ZNF609: variants seen among roughly 807,000 people sequenced by gnomAD.
ZNF609 encodes zinc finger protein 609.
In ZNF609, 11 loss-of-function variants were observed where a neutral mutation model predicts 109.5. The ratio of observed to expected loss-of-function variants is 0.10; its 90% CI spans 0.06 to 0.17. ZNF609 has a LOEUF of 0.17. Ranked by LOEUF, ZNF609 falls within the 10% of genes least tolerant of loss-of-function variation. ZNF609 has a pLI of 1.00. For missense variants in ZNF609, 1,559 were observed against 1,772.4 expected (o/e 0.88, Z 2.16); for synonymous variants, 646 against 662.0 (o/e 0.98, Z 0.37).
rs148877221 is a variant in ZNF609 at position 64,566,566 on chromosome 15, C to T, written c.748-56261C>T. Among the ~76,000 whole-genome samples, 62 of 152,260 alleles carry T rather than the reference C, an allele frequency of 4.1e-4. No homozygotes were observed. The East Asian group carries it at 0.012, about 29-fold the overall frequency. ...GACTGCCAAGAGCTAGACATTCTAG[C>T]CATTTCTTAAAAGGCCAGTTAGCTA... On this transcript the variant is annotated intron_variant, in intron 2 of 9. Transcript: ENST00000326648.
rs546709488 is a variant in ZNF609 at position 64,493,771 on chromosome 15, C to G, written c.-127-5522C>G. 1.1e-4 allele frequency among the ~76,000 whole-genome samples: 16 copies of G among 152,332 alleles called. No homozygotes were observed. The South Asian group carries it at 3.3e-3, about 32-fold the overall frequency. Reference sequence around the variant, plus strand: ...CTGTAAGATATTGGTTCTCCTGATTCCGCACTTTCTCTGCCATGAAAGCAA... The same window carrying G: ...CTGTAAGATATTGGTTCTCCTGATTGCGCACTTTCTCTGCCATGAAAGCAA... On this transcript the variant is annotated intron_variant, in intron 1 of 9. Transcript: ENST00000326648.
At chr15:64,574,206 A>G (rs1595723330) in intron 2 of ZNF609, among the ~76,000 whole-genome samples, 1 of 92,590 alleles carries the variant, frequency 1.1e-5, no homozygotes, top group African/African-American at 4.9e-5. Flanking sequence ...TGGCACCCAC[A>G]CCCCATTTGA....
At chr15:64,508,008 T>C (rs1232751493) in intron 2 of ZNF609, among the ~76,000 whole-genome samples, 2 of 152,194 alleles carry the variant, frequency 1.3e-5, no homozygotes, top group East Asian at 1.9e-4. Flanking sequence ...TCATCCTAGA[T>C]GACATTGACA....
chr15:64,536,220 C>G (rs989086239), intron 2 of ZNF609, among the ~76,000 whole-genome samples: 1 of 152,116 alleles, frequency 6.6e-6, no homozygotes, highest in Non-Finnish European at 1.5e-5. Flanking sequence ...CAGGGTCTTA[C>G]TATGTTGCTG....
intron 2 of ZNF609, among the ~76,000 whole-genome samples, chr15:64,551,364 G>A (rs754462697): frequency 8.5e-5 from 13 of 152,086 alleles, no homozygotes; most frequent in Admixed American, 1.3e-4. Context: ...ATTTAGAAAA[G>A]TAGATGTCTT....
chr15:64,564,008 C>T (rs1595719747), intron 2 of ZNF609, among the ~76,000 whole-genome samples: 1 of 151,916 alleles, frequency 6.6e-6, no homozygotes, highest in African/African-American at 2.4e-5. Context: ...CTTAGCCTCC[C>T]GAGTAGCTGG....
At chr15:64,668,430 C>T (rs1896680509) in intron 3 of ZNF609, among the ~76,000 whole-genome samples, 1 of 152,166 alleles carries the variant, frequency 6.6e-6, no homozygotes, top group Non-Finnish European at 1.5e-5. Flanking sequence ...TCTCTAATAT[C>T]CCAGACATGG....
At chr15:64,629,907 C>G (rs1354237947) in intron 3 of ZNF609, among the ~76,000 whole-genome samples, 1 of 151,982 alleles carries the variant, frequency 6.6e-6, no homozygotes, top group East Asian at 1.9e-4. Context: ...TGAACAATAC[C>G]GAGAACTTTA....
At chr15:64,470,745 C>T (rs1893080620) in intron 1 of ZNF609, among the ~76,000 whole-genome samples, 1 of 152,100 alleles carries the variant, frequency 6.6e-6, no homozygotes, top group African/African-American at 2.4e-5. Flanking sequence ...TGGTCTCGAA[C>T]TCCTGACCTC....
At chr15:64,510,926 GTTCT>G (rs1394135193) in intron 2 of ZNF609, among the ~76,000 whole-genome samples, 1 of 149,580 alleles carries the variant, frequency 6.7e-6, no homozygotes, top group African/African-American at 2.5e-5. Context: ...TTGGTAATGA[GTTCT>G]TTTTTATTTT....
chr15:64,644,176 A>AC (rs1896298927), intron 3 of ZNF609, among the ~76,000 whole-genome samples: 3 of 151,998 alleles, frequency 2.0e-5, no homozygotes, highest in Non-Finnish European at 2.9e-5. Context: ...TGTCCAAGAC[A>AC]AATTTTTTTT....
At chr15:64,632,357 AT>A (rs1463922572) in intron 3 of ZNF609, among the ~76,000 whole-genome samples, 10 of 152,056 alleles carry the variant, frequency 6.6e-5, no homozygotes, top group Non-Finnish European at 1.5e-4. Flanking sequence ...CCCAGCCTCT[AT>A]TTTTTAATAG....
intron 1 of ZNF609, among the ~76,000 whole-genome samples, chr15:64,495,879 C>T (rs944549948): frequency 7.4e-5 from 11 of 149,500 alleles, no homozygotes; most frequent in African/African-American, 2.2e-4. Context: ...AGTGTAGTGG[C>T]GTGATCTTGG....
chr15:64,576,668 G>A (rs1894957787), intron 2 of ZNF609, among the ~76,000 whole-genome samples: 1 of 151,574 alleles, frequency 6.6e-6, no homozygotes, highest in African/African-American at 2.4e-5. Flanking sequence ...GCCAGGCGTG[G>A]TGGCTCAAGC....
intron 2 of ZNF609, among the ~76,000 whole-genome samples, chr15:64,579,818 C>T (rs965274917): frequency 4.6e-5 from 7 of 152,052 alleles, no homozygotes; most frequent in Non-Finnish European, 8.8e-5. Flanking sequence ...ATAAATATTG[C>T]TTTATGCAGT....
At position 64,510,209 on chromosome 15, in the gene ZNF609, T is replaced by C. The variant is rs539953866; in HGVS notation, c.747+10043T>C. Among the ~76,000 whole-genome samples the C allele has an allele frequency of 2.9e-4, 44 of 150,686 alleles. No individual in the cohort carries two copies. The South Asian group carries it at 6.9e-3, about 24-fold the overall frequency. ...ACATTGTTATAATTTTTTTTTCTTT[T>C]TTTTTTTTTTTAACAGACAGGGTCT... On this transcript the variant is annotated intron_variant, in intron 2 of 9. Transcript: ENST00000326648.
chr15:64,545,304 A>G (rs938708312), intron 2 of ZNF609, among the ~76,000 whole-genome samples: 11 of 151,836 alleles, frequency 7.2e-5, no homozygotes, highest in Non-Finnish European at 4.4e-5. Context: ...GCTCAAGCCA[A>G]TCTCCCACCT....
intron 2 of ZNF609, among the ~76,000 whole-genome samples, chr15:64,530,582 AC>A (rs1384877359): frequency 6.6e-6 from 1 of 152,210 alleles, no homozygotes; most frequent in Non-Finnish European, 1.5e-5. Flanking sequence ...GATTCAATAA[AC>A]AAAAGCTAGT....
chr15:64,537,943 A>C (rs1894182481), intron 2 of ZNF609, among the ~76,000 whole-genome samples: 1 of 151,988 alleles, frequency 6.6e-6, no homozygotes, highest in African/African-American at 2.4e-5. Context: ...TCTACTAAAA[A>C]TACAAAAAAA....
Sources: gnomAD v4.1 joint callset for allele counts (sites outside exome capture counted in the v4.1 genomes callset) on GRCh38, gnomAD v4.1.1 for gene constraint, MANE v1.5 for transcripts, NCBI Gene and HGNC (gene_info 2026-07-23, HGNC 2026-07-21) for gene names.